Variants in PPP2R2C observed in about 807,000 individuals in gnomAD.
The protein encoded by PPP2R2C is protein phosphatase 2 regulatory subunit Bgamma, also known as protein phosphatase 2, regulatory subunit B, gamma.
In PPP2R2C, 10 loss-of-function variants were observed where a neutral mutation model predicts 45.3. The ratio of observed to expected loss-of-function variants is 0.22; its 90% CI spans 0.14 to 0.37. The LOEUF is 0.37. Ranked by LOEUF, PPP2R2C falls within the 10% of genes least tolerant of loss-of-function variation. The probability of loss-of-function intolerance (pLI) is 1.00; values close to 1 mark genes in which losing one functional copy is unlikely to be tolerated. For missense variants in PPP2R2C, 308 were observed against 619.7 expected (o/e 0.50, Z 5.34); for synonymous variants, 257 against 245.4 (o/e 1.05, Z -0.44).
At position 6,432,429 on chromosome 4, in the gene PPP2R2C, CG is replaced by C. The variant is rs372987122; in HGVS notation, c.70+39730del. Among the ~76,000 whole-genome samples, 1,163 of 152,290 alleles carry C rather than the reference CG, an allele frequency of 7.6e-3. 12 individuals carry two copies. Among genetic ancestry groups the C allele is most frequent in the Middle Eastern group, 0.058 (17 of 294 alleles). On this transcript the variant is annotated intron_variant, in intron 1 of 8. Coordinates refer to ENST00000382599, the MANE Select transcript of PPP2R2C (RefSeq NM_020416.4). Reference sequence around the variant, plus strand: ...TCCTCAGTAGGTGTCCAAGGACCGTCGGGACCCAGCGCCTGCTGCCTCGTTT... The same window carrying C: ...TCCTCAGTAGGTGTCCAAGGACCGTCGGACCCAGCGCCTGCTGCCTCGTTT...
intron 1 of PPP2R2C, among the ~76,000 whole-genome samples, chr4:6,399,359 A>G (rs1275698688): frequency 2.0e-5 from 3 of 152,218 alleles, no homozygotes; most frequent in African/African-American, 2.4e-5. Context: ...GCAAGCTGCT[A>G]ATTTAATCCC....
At chr4:6,405,448 C>T (rs1201996470) in intron 1 of PPP2R2C, among the ~76,000 whole-genome samples, 1 of 152,236 alleles carries the variant, frequency 6.6e-6, no homozygotes, top group Admixed American at 6.5e-5. Context: ...AAGGGATGAA[C>T]AGACCACAGG....
rs1201517876 is a variant in PPP2R2C, at chr4:6,321,814, C to T, written c.*1488G>A. ...GTATCACCAGAACAGGAGCATCTAC[C>T]ATGGAAACACCACCTTCTCTGTGGC... On this transcript the variant is annotated 3_prime_UTR_variant, in exon 9 of 9. Transcript: ENST00000382599. The T allele has an allele frequency of 6.6e-6, 1 of 152,198 alleles. No individual in the cohort carries two copies. Among genetic ancestry groups the T allele is most frequent in the African/African-American group, 2.4e-5 (1 of 41,452 alleles). The allele number at this position is 152,198 out of a possible 1,614,324, so 9.4% of individuals were successfully genotyped here. A position where few individuals can be genotyped will look rare whatever the true frequency, so the allele number is the denominator to read the frequency against.
chr4:6,355,993 GAAAAAAAAAAAAA>G, intron 5 of PPP2R2C, among the ~76,000 whole-genome samples: 1 of 97,880 alleles, frequency 1.0e-5, no homozygotes, highest in East Asian at 2.8e-4. Context: ...ACTCTGCCTG[GAAAAAAAAAAAAA>G]AAAAAAAAAA....
At chr4:6,482,111 ATGG>A (rs1577214597) in intron 2 of PPP2R2C, among the ~76,000 whole-genome samples, 1 of 152,192 alleles carries the variant, frequency 6.6e-6, no homozygotes, top group East Asian at 1.9e-4. Context: ...ATCAATGGAT[ATGG>A]TCTATCTCTG....
chr4:6,425,345 G>C (rs753150889), intron 1 of PPP2R2C, among the ~76,000 whole-genome samples: 1 of 152,208 alleles, frequency 6.6e-6, no homozygotes, highest in African/African-American at 2.4e-5. Flanking sequence ...CACCTGCTGT[G>C]TGTCCTGGGC....
intron 2 of PPP2R2C, among the ~76,000 whole-genome samples, chr4:6,517,539 T>C (rs779075340): frequency 6.6e-6 from 1 of 152,176 alleles, no homozygotes; most frequent in Non-Finnish European, 1.5e-5. Context: ...CCATCTCTAA[T>C]ACATATTTTC....
chr4:6,473,223 G>C (rs1165308910), upstream of PPP2R2C, among the ~76,000 whole-genome samples: 1 of 152,100 alleles, frequency 6.6e-6, no homozygotes, highest in Non-Finnish European at 1.5e-5. Context: ...CCTGACGAGT[G>C]AGAAAGTTAA....
At chr4:6,461,550 A>T (rs1204488735) in intron 1 of PPP2R2C, among the ~76,000 whole-genome samples, 1 of 152,176 alleles carries the variant, frequency 6.6e-6, no homozygotes, top group Non-Finnish European at 1.5e-5. Flanking sequence ...TCCCCGGAGA[A>T]TGGAGAGGAC....
chr4:6,381,179 G>C, intron 1 of PPP2R2C, 85 bp from the exon 2 acceptor site: 1 of 1,547,922 alleles, frequency 6.5e-7, no homozygotes, highest in Non-Finnish European at 8.7e-7. Flanking sequence ...GCAATGGCGA[G>C]CTCCCCGCTC....
At chr4:6,507,371 C>T (rs909834658) in intron 2 of PPP2R2C, among the ~76,000 whole-genome samples, 10 of 152,248 alleles carry the variant, frequency 6.6e-5, no homozygotes, top group African/African-American at 2.2e-4. Flanking sequence ...GATGCTGCAG[C>T]AACGTCGCAG....
chr4:6,414,202 CTGG>C (rs1718407264), intron 1 of PPP2R2C, among the ~76,000 whole-genome samples: 3 of 151,372 alleles, frequency 2.0e-5, no homozygotes, highest in African/African-American at 4.9e-5. Context: ...CTAGAACTGG[CTGG>C]AGCTAGAACT....
At chr4:6,351,348 A>G (rs985993274) in intron 5 of PPP2R2C, 6 of 975,014 alleles carry the variant, frequency 6.2e-6, no homozygotes, top group Non-Finnish European at 7.3e-6. Flanking sequence ...TTAATTAATA[A>G]AAGTATGCAG....
At chr4:6,529,777 C>G (rs549315054) in intron 2 of PPP2R2C, among the ~76,000 whole-genome samples, 23 of 152,342 alleles carry the variant, frequency 1.5e-4, no homozygotes, top group African/African-American at 5.5e-4. Context: ...GCTGGGTACA[C>G]AGCAGATGCT....
intron 2 of PPP2R2C, among the ~76,000 whole-genome samples, chr4:6,508,415 T>A (rs1160339030): frequency 6.6e-6 from 1 of 151,880 alleles, no homozygotes; most frequent in Non-Finnish European, 1.5e-5. Context: ...TGAAACCCTG[T>A]CTCTACTAAA....
chr4:6,492,505 C>A (rs1183825376), intron 2 of PPP2R2C, among the ~76,000 whole-genome samples: 1 of 152,226 alleles, frequency 6.6e-6, no homozygotes, highest in Non-Finnish European at 1.5e-5. Flanking sequence ...GGAGCGCATG[C>A]TCAAGTGTGA....
intron 2 of PPP2R2C, among the ~76,000 whole-genome samples, chr4:6,532,281 G>A (rs1724430416): frequency 6.6e-6 from 1 of 152,254 alleles, no homozygotes; most frequent in African/African-American, 2.4e-5. Context: ...CTCAGAGAGG[G>A]TGAGGGCTTT....
chr4:6,484,796 C>G (rs1399216408), intron 2 of PPP2R2C, among the ~76,000 whole-genome samples: 1 of 151,814 alleles, frequency 6.6e-6, no homozygotes, highest in Non-Finnish European at 1.5e-5. Context: ...ACTTGTTAAA[C>G]TCATTTATTA....
chr4:6,494,647 C>A (rs1044668658), intron 2 of PPP2R2C, among the ~76,000 whole-genome samples: 2 of 152,144 alleles, frequency 1.3e-5, no homozygotes, highest in African/African-American at 2.4e-5. Context: ...ACCAAGCACA[C>A]GCGGCACGCC....
Sources: gnomAD v4.1 joint callset for allele counts (sites outside exome capture counted in the v4.1 genomes callset) on GRCh38, gnomAD v4.1.1 for gene constraint, MANE v1.5 for transcripts, NCBI Gene and HGNC (gene_info 2026-07-23, HGNC 2026-07-21) for gene names.